KCNIP1: variants seen among roughly 807,000 people sequenced by gnomAD.
The protein encoded by KCNIP1 is A-type potassium channel modulatory protein KCNIP1.
KCNIP1 carries 18 observed loss-of-function variants against 33.0 expected under a neutral mutation model. The ratio of observed to expected loss-of-function variants is 0.55; its 90% CI spans 0.38 to 0.81. The LOEUF (loss-of-function observed/expected upper bound fraction) is 0.81. Ranked by LOEUF, KCNIP1 falls within the 30% of genes least tolerant of loss-of-function variation. The pLI, the probability that KCNIP1 is intolerant of heterozygous loss-of-function variation, is 0.00. For missense variants in KCNIP1, 238 were observed against 271.6 expected, an observed-to-expected ratio of 0.88 and a Z score of 0.87; for synonymous variants, 93 against 98.3, an observed-to-expected ratio of 0.95 and a Z score of 0.32.
At chr5:170,417,174 C>T (rs1755353002) in intron 1 of KCNIP1, among the ~76,000 whole-genome samples, 1 of 152,180 alleles carries the variant, frequency 6.6e-6, no homozygotes, top group Non-Finnish European at 1.5e-5. Flanking sequence ...TATGTACCAA[C>T]ATAAAAAGAC....
intron 1 of KCNIP1, among the ~76,000 whole-genome samples, chr5:170,541,377 A>C (rs140828342): frequency 6.8e-4 from 104 of 152,302 alleles, no homozygotes; most frequent in Non-Finnish European, 1.1e-3. Context: ...CTGACTGTGA[A>C]GTGTCTGTCT....
intron 1 of KCNIP1, among the ~76,000 whole-genome samples, chr5:170,411,797 T>A (rs1274996925): frequency 6.6e-6 from 1 of 152,084 alleles, no homozygotes; most frequent in African/African-American, 2.4e-5. Flanking sequence ...ATTTAGAAGA[T>A]AATAAGTAAC....
chr5:170,438,534 C>G (rs964856281), intron 1 of KCNIP1, among the ~76,000 whole-genome samples: 56 of 152,296 alleles, frequency 3.7e-4, no homozygotes, highest in African/African-American at 1.3e-3. Flanking sequence ...AAAGCCTTTG[C>G]AAGGCTGCTC....
chr5:170,655,247 A>G (rs1761213561), intron 1 of KCNIP1, among the ~76,000 whole-genome samples: 1 of 152,194 alleles, frequency 6.6e-6, no homozygotes, highest in African/African-American at 2.4e-5. Flanking sequence ...TAGATGAGGA[A>G]GTCAGAGTGC....
chr5:170,459,780 A>T (rs903565720), intron 1 of KCNIP1, among the ~76,000 whole-genome samples: 1 of 152,232 alleles, frequency 6.6e-6, no homozygotes, highest in Admixed American at 6.5e-5. Context: ...CACCTCAAGG[A>T]ACTAGAGAAA....
intron 1 of KCNIP1, among the ~76,000 whole-genome samples, chr5:170,663,439 A>G (rs766888522): frequency 2.6e-5 from 4 of 152,164 alleles, no homozygotes; most frequent in Non-Finnish European, 5.9e-5. Context: ...CTCCCCCAGC[A>G]GCTGCACCAG....
intron 1 of KCNIP1, among the ~76,000 whole-genome samples, chr5:170,617,856 A>G (rs187254121): frequency 2.8e-3 from 422 of 152,348 alleles, no homozygotes; most frequent in Non-Finnish European, 4.9e-3. Flanking sequence ...AGAGAAAATT[A>G]AAGTGATTGC....
At chr5:170,492,430 G>A (rs1757225898) in intron 1 of KCNIP1, among the ~76,000 whole-genome samples, 1 of 152,226 alleles carries the variant, frequency 6.6e-6, no homozygotes, top group Non-Finnish European at 1.5e-5. Flanking sequence ...TTCTCCAACA[G>A]GGAAGCTCTC....
chr5:170,378,702 C>T (rs1764108282), intron 1 of KCNIP1: 1 of 1,604,872 alleles, frequency 6.2e-7, no homozygotes, highest in Non-Finnish European at 8.5e-7. Context: ...GGATGGATGG[C>T]TCTACTTCTG....
At chr5:170,618,069 G>A (rs531401786) in intron 1 of KCNIP1, among the ~76,000 whole-genome samples, 2 of 152,302 alleles carry the variant, frequency 1.3e-5, no homozygotes, top group Middle Eastern at 3.4e-3. Context: ...CCCTCCAACC[G>A]ACCACTGGAG....
intron 1 of KCNIP1, among the ~76,000 whole-genome samples, chr5:170,481,894 A>G (rs1308919455): frequency 2.0e-5 from 3 of 152,230 alleles, no homozygotes; most frequent in Non-Finnish European, 2.9e-5. Flanking sequence ...CTGTATGGTC[A>G]TATCAGAACT....
intron 1 of KCNIP1, among the ~76,000 whole-genome samples, chr5:170,706,903 C>G (rs903949274): frequency 1.3e-5 from 2 of 152,120 alleles, no homozygotes; most frequent in Non-Finnish European, 2.9e-5. Flanking sequence ...CCCACTCACC[C>G]TAGGCAACAT....
intron 1 of KCNIP1, among the ~76,000 whole-genome samples, chr5:170,529,619 G>A (rs988812132): frequency 2.9e-4 from 44 of 152,190 alleles, no homozygotes; most frequent in African/African-American, 9.7e-4. Context: ...TGAGGAGTTC[G>A]AGCTTGCCTT....
At chr5:170,692,817 G>A (rs973271824) in intron 1 of KCNIP1, among the ~76,000 whole-genome samples, 16 of 152,168 alleles carry the variant, frequency 1.1e-4, no homozygotes, top group Non-Finnish European at 1.5e-5. Context: ...CATGAATGTT[G>A]AGCAAATCAG....
intron 1 of KCNIP1, among the ~76,000 whole-genome samples, chr5:170,673,053 C>A (rs1761983992): frequency 6.6e-6 from 1 of 152,256 alleles, no homozygotes; most frequent in Admixed American, 6.5e-5. Context: ...CAACTGATAT[C>A]TTGACAACAT....
rs190540184 is a variant in KCNIP1, at chr5:170,621,653, C to A, written c.62-97105C>A. Among the ~76,000 whole-genome samples the A allele has an allele frequency of 2.5e-3, 384 of 152,310 alleles. 7 individuals are homozygous for A. The highest frequency in any genetic ancestry group is 0.015 in the Admixed American group (233 of 15,304). ...CCTCCCAAGTAGCTAGAGCCACAGG[C>A]ACATGCCACCACGCCTAGCTAATTT... On this transcript the variant is annotated intron_variant, in intron 1 of 7. Transcript: ENST00000328939.
At chr5:170,390,519 T>A (rs200272864) in intron 1 of KCNIP1, among the ~76,000 whole-genome samples, 4,219 of 48,542 alleles carry the variant, frequency 0.087, 580 homozygotes, top group African/African-American at 0.26. Context: ...AAAAAACAAA[T>A]ATATATATAT....
chr5:170,674,154 A>T (rs1422265503), intron 1 of KCNIP1, among the ~76,000 whole-genome samples: 1 of 63,594 alleles, frequency 1.6e-5, no homozygotes, highest in Non-Finnish European at 2.8e-5. Context: ...GAAGGAAGGA[A>T]GGAAGGAAGG....
At chr5:170,377,133 T>A (rs976529099) in intron 1 of KCNIP1, 1 of 152,314 alleles carries the variant, frequency 6.6e-6, no homozygotes, top group African/African-American at 2.4e-5. Flanking sequence ...AGCTCAGGAC[T>A]GGCCCTGCCG....
Sources: gnomAD v4.1 joint callset for allele counts (sites outside exome capture counted in the v4.1 genomes callset) on GRCh38, gnomAD v4.1.1 for gene constraint, MANE v1.5 for transcripts, NCBI Gene and HGNC (gene_info 2026-07-23, HGNC 2026-07-21) for gene names.